INPP5B: variants seen among roughly 807,000 people sequenced by gnomAD.
The protein encoded by INPP5B is inositol polyphosphate-5-phosphatase B, also known as type II inositol 1,4,5-trisphosphate 5-phosphatase.
Under a neutral mutation model 118.5 loss-of-function variants are expected in INPP5B, and 90 were observed. That is an observed-to-expected ratio of 0.76 (90% confidence interval 0.64 to 0.90). The LOEUF (loss-of-function observed/expected upper bound fraction) is 0.90. Among genes scored for constraint, INPP5B ranks in the 40% least tolerant of loss-of-function variants. The probability of loss-of-function intolerance (pLI) is 0.00; values close to 1 mark genes in which losing one functional copy is unlikely to be tolerated. For synonymous variants in INPP5B, 385 were observed against 418.9 expected (o/e 0.92, Z 0.99); for missense variants, 984 against 1,125.6 (o/e 0.87, Z 1.80).
chr1:37,887,522 T>C, intron 10 of INPP5B, 57 bp from the exon 11 acceptor site: 1 of 1,039,208 alleles, frequency 9.6e-7, no homozygotes, highest in East Asian at 2.4e-5. Context: ...AAATGACACA[T>C]TCTCAGATTG....
Position 37,875,458 on chromosome 1 carries a change from C to T in INPP5B, c.1788+148G>A, listed in dbSNP as rs1407845373. 6.1e-5 allele frequency: 35 copies of T among 573,176 alleles called. No individual in the cohort carries two copies. In the Admixed American group the frequency reaches 1.0e-3, roughly 17 times the overall value. 35.5% of individuals were successfully genotyped at this position (573,176 alleles called of 1,614,324 possible). On this transcript the variant is annotated intron_variant, in intron 17 of 23. Transcript: ENST00000373024. ...TAATTTTTTGTATTTTTAGTAGAGA[C>T]AGGGTTTCACCGTGTTAGCCAGGAT...
chr1:37,912,914 C>G (rs191313950), intron 7 of INPP5B, among the ~76,000 whole-genome samples: 5 of 151,274 alleles, frequency 3.3e-5, no homozygotes, highest in African/African-American at 1.2e-4. Context: ...TTTCTCTTTC[C>G]TCTAAAATCA....
chr1:37,943,749 G>T, intron 4 of INPP5B, 47 bp downstream of exon 4: 1 of 1,605,262 alleles, frequency 6.2e-7, no homozygotes, highest in South Asian at 1.1e-5. Context: ...AAGATGAGCT[G>T]GGGGGCCCAT....
chr1:37,941,958 A>AAAAAAAAAAT, intron 5 of INPP5B: 1 of 30,392 alleles, frequency 3.3e-5, no homozygotes, highest in Non-Finnish European at 6.6e-5. Context: ...AAAAAAAAAA[A>AAAAAAAAAAT]ATATATATAT....
chr1:37,903,569 T>A (rs1404739381), intron 7 of INPP5B, among the ~76,000 whole-genome samples: 5 of 151,962 alleles, frequency 3.3e-5, no homozygotes, highest in Non-Finnish European at 4.4e-5. Flanking sequence ...TACTAAAAAA[T>A]ACAAAAAACT....
chr1:37,914,048 T>C (rs1644789398), intron 7 of INPP5B, among the ~76,000 whole-genome samples: 1 of 152,122 alleles, frequency 6.6e-6, no homozygotes, highest in Non-Finnish European at 1.5e-5. Flanking sequence ...TAAGAACTAA[T>C]GATAATCCTG....
At chr1:37,864,454 T>C (rs746157597) in intron 22 of INPP5B, 31 bp from the exon 23 acceptor site, 17 of 1,295,130 alleles carry the variant, frequency 1.3e-5, no homozygotes, top group Non-Finnish European at 1.9e-5. Context: ...ATTTGTCTTT[T>C]GTTCACTGAA....
intron 7 of INPP5B, among the ~76,000 whole-genome samples, chr1:37,913,139 C>T (rs527563061): frequency 6.6e-6 from 1 of 152,190 alleles, no homozygotes; most frequent in Admixed American, 6.5e-5. Flanking sequence ...TGCCTGTAGT[C>T]CCAGCTTCTT....
intron 7 of INPP5B, chr1:37,931,552 G>A (rs1645459349): frequency 1.3e-6 from 2 of 1,537,334 alleles, no homozygotes; most frequent in African/African-American, 1.4e-5. Flanking sequence ...AGGGCCACCA[G>A]GACTTTGGTC....
intron 7 of INPP5B, among the ~76,000 whole-genome samples, chr1:37,894,926 T>C (rs891036324): frequency 2.6e-5 from 4 of 152,204 alleles, no homozygotes; most frequent in Admixed American, 1.3e-4. Context: ...AATCTTCCCA[T>C]TGTCTCCAAA....
intron 7 of INPP5B, among the ~76,000 whole-genome samples, chr1:37,921,401 A>G (rs779421865): frequency 1.3e-5 from 2 of 152,084 alleles, no homozygotes; most frequent in Non-Finnish European, 2.9e-5. Context: ...GAAAAAATCC[A>G]TTTTTTCCAG....
At chr1:37,885,053 T>C (rs1048993050) in intron 13 of INPP5B, 4 of 152,098 alleles carry the variant, frequency 2.6e-5, no homozygotes, top group Non-Finnish European at 5.9e-5. Flanking sequence ...TATACTAAAA[T>C]TGAAATGATA....
intron 7 of INPP5B, among the ~76,000 whole-genome samples, chr1:37,928,091 A>G (rs1320460953): frequency 6.6e-6 from 1 of 151,932 alleles, no homozygotes; most frequent in Non-Finnish European, 1.5e-5. Context: ...TCTTACCTCT[A>G]TCTACGTATT....
chr1:37,940,047 T>C (rs577660736), intron 6 of INPP5B, among the ~76,000 whole-genome samples: 1 of 152,106 alleles, frequency 6.6e-6, no homozygotes, highest in African/African-American at 2.4e-5. Context: ...CCCTCTCCCA[T>C]TGCCACAAAG....
chr1:37,942,738 G>A lies in INPP5B; in HGVS notation c.280+902C>T, dbSNP rs1187163349. ...AGCCTGGCCAACATGGCAAAACCCCGCCTCTGCAGAAAATACAAAAATTAG... is the reference window on the plus strand; with the variant it reads ...AGCCTGGCCAACATGGCAAAACCCCACCTCTGCAGAAAATACAAAAATTAG... On this transcript the variant is annotated intron_variant, in intron 5 of 23. Coordinates refer to ENST00000373024, the MANE Select transcript of INPP5B (RefSeq NM_005540.3). Among the ~76,000 whole-genome samples the A allele has an allele frequency of 3.9e-5, 6 of 152,106 alleles. No homozygotes were observed. The South Asian group carries it at 6.2e-4, about 16-fold the overall frequency.
chr1:37,889,664 C>G lies in INPP5B; in HGVS notation c.690G>C (p.Ser230=), dbSNP rs773900776. The G allele has an allele frequency of 3.1e-6, 5 of 1,613,586 alleles. No homozygotes were observed. Among genetic ancestry groups the G allele is most frequent in the Non-Finnish European group, 4.2e-6 (5 of 1,179,764 alleles). ...DMVRSSTITV[S]DKAHILSMQK... Reference sequence around the variant, plus strand: ...GCATGGATAAAATATGAGCCTTGTCCGACACTGTGATAGTGGAGGAGCGAA... The same window carrying G: ...GCATGGATAAAATATGAGCCTTGTCGGACACTGTGATAGTGGAGGAGCGAA... Residue 230 remains serine, a synonymous_variant, in exon 9 of 24, where the codon TCG becomes TCC. Transcript: ENST00000373024.
chr1:37,893,486 T>G (rs1409687404), intron 7 of INPP5B, among the ~76,000 whole-genome samples: 1 of 152,028 alleles, frequency 6.6e-6, no homozygotes, highest in Non-Finnish European at 1.5e-5. Context: ...CAATTTTGCT[T>G]CCTAAATGCC....
chr1:37,904,666 T>A (rs556334840), intron 7 of INPP5B, among the ~76,000 whole-genome samples: 8 of 152,110 alleles, frequency 5.3e-5, no homozygotes, highest in African/African-American at 1.9e-4. Context: ...TCACCTGAGG[T>A]TGGGAGTTCG....
chr1:37,874,231 T>C, intron 17 of INPP5B, 76 bp from the exon 18 acceptor site: 1 of 1,088,028 alleles, frequency 9.2e-7, no homozygotes, highest in Non-Finnish European at 1.3e-6. Context: ...AACTGGGCAG[T>C]CCTTACCATG....
Sources: gnomAD v4.1 joint callset for allele counts (sites outside exome capture counted in the v4.1 genomes callset) on GRCh38, gnomAD v4.1.1 for gene constraint, MANE v1.5 for transcripts, NCBI Gene and HGNC (gene_info 2026-07-23, HGNC 2026-07-21) for gene names.